The following FNBP1L variants were observed in gnomAD, a reference collection of about 807,000 sequenced individuals.
FNBP1L encodes the protein formin binding protein 1 like.
FNBP1L carries 36 observed loss-of-function variants against 91.2 expected under a neutral mutation model. The ratio of observed to expected loss-of-function variants is 0.39; its 90% confidence interval spans 0.30 to 0.52. The LOEUF (loss-of-function observed/expected upper bound fraction) is 0.52, where lower values mean the gene tolerates loss of function less well. Ranked by LOEUF, FNBP1L falls within the 20% of genes least tolerant of loss-of-function variation. The probability of loss-of-function intolerance (pLI) is 0.66; values close to 1 mark genes in which losing one functional copy is unlikely to be tolerated. For missense variants in FNBP1L, 571 were observed against 732.1 expected, an observed-to-expected ratio of 0.78 and a Z score of 2.54; for synonymous variants, 242 against 237.0, an observed-to-expected ratio of 1.02 and a Z score of -0.19.
intron 1 of FNBP1L, among the ~76,000 whole-genome samples, chr1:93,458,036 C>T (rs367867128): frequency 2.9e-4 from 44 of 152,108 alleles, no homozygotes; most frequent in African/African-American, 9.9e-4. Flanking sequence ...CATGATCTGC[C>T]GCCTCAGCCT....
chr1:93,457,000 A>G (rs1453472386), intron 1 of FNBP1L, among the ~76,000 whole-genome samples: 2 of 151,980 alleles, frequency 1.3e-5, no homozygotes, highest in Non-Finnish European at 2.9e-5. Context: ...GTGATCCTCC[A>G]TCCTCAGCCT....
intron 1 of FNBP1L, among the ~76,000 whole-genome samples, chr1:93,481,572 C>T (rs570304695): frequency 7.6e-4 from 115 of 152,276 alleles, no homozygotes; most frequent in African/African-American, 2.6e-3. Context: ...TAATTTACTC[C>T]TGTACTGAAA....
At chr1:93,515,820 C>T (rs193054266) in intron 2 of FNBP1L, among the ~76,000 whole-genome samples, 6 of 151,460 alleles carry the variant, frequency 4.0e-5, no homozygotes, top group East Asian at 1.9e-4. Context: ...TGCTAGATGA[C>T]GAGTTAGTGA....
rs1389816445 is a variant in FNBP1L at position 93,471,556 on chromosome 1, G to A, written c.24+23251G>A. On this transcript the variant is annotated intron_variant, in intron 1 of 16. Coordinates refer to ENST00000271234, the MANE Select transcript of FNBP1L (RefSeq NM_001164473.3). ...AAAATACAAAAATTAGCTGGGCGTG[G>A]TGGTGTGTGCCTGTAGTCCCCGCTA... Among the ~76,000 whole-genome samples, 2 of 152,130 alleles carry A rather than the reference G, an allele frequency of 1.3e-5. 1 individual carries two copies. Among genetic ancestry groups the A allele is most frequent in the African/African-American group, 4.8e-5 (2 of 41,434 alleles).
Position 93,540,065 on chromosome 1 carries a change from C to T in FNBP1L, c.1150-977C>T, listed in dbSNP as rs182778777. ...AGCTCCGTTGCATTTTCTGGGTCAC[C>T]GTGTGTGTGTATGTGTGTGGGTGTG... On this transcript the variant is annotated intron_variant, in intron 10 of 16. Coordinates refer to ENST00000271234, the MANE Select transcript of FNBP1L (RefSeq NM_001164473.3). Among the ~76,000 whole-genome samples the T allele has an allele frequency of 5.3e-5, 8 of 151,814 alleles. No homozygotes were observed. The East Asian group carries it at 1.4e-3, about 26-fold the overall frequency.
At chr1:93,461,331 G>A (rs1325511865) in intron 1 of FNBP1L, among the ~76,000 whole-genome samples, 3 of 152,146 alleles carry the variant, frequency 2.0e-5, no homozygotes, top group Admixed American at 6.5e-5. Context: ...TACCATTGCT[G>A]TTTATGGTGT....
intron 1 of FNBP1L, among the ~76,000 whole-genome samples, chr1:93,489,406 A>G (rs1035218923): frequency 6.6e-6 from 1 of 152,126 alleles, no homozygotes; most frequent in East Asian, 1.9e-4. Context: ...TGTCTGAGAA[A>G]GATATTCTTG....
In FNBP1L at chr1:93,511,822, C is replaced by T. The variant is rs532053833; in HGVS notation, c.141-10260C>T. 1.2e-3 allele frequency among the ~76,000 whole-genome samples: 176 copies of T among 151,544 alleles called. No homozygotes were observed. The Middle Eastern group carries it at 0.017, about 15-fold the overall frequency. On this transcript the variant is annotated intron_variant, in intron 2 of 16. Coordinates refer to ENST00000271234, the MANE Select transcript of FNBP1L (RefSeq NM_001164473.3). The stretch of plus-strand genomic sequence containing the variant: ...TCTACTGAAAATACAAAAAATTAGC[C>T]GGGCGTAGTGGCGGGCGCCTGTAGT...
chr1:93,516,179 C>A (rs538124295), intron 2 of FNBP1L, among the ~76,000 whole-genome samples: 1 of 149,892 alleles, frequency 6.7e-6, no homozygotes, highest in Non-Finnish European at 1.5e-5. Context: ...TAAAGGAGTA[C>A]TGTGTCAAGG....
Position 93,529,715 on chromosome 1 carries a change from T to C in FNBP1L, c.469T>C (p.Leu157=), listed in dbSNP as rs1048600747. 5 of 1,531,570 alleles carry C rather than the reference T, an allele frequency of 3.3e-6. No homozygotes were observed. The highest frequency in any genetic ancestry group is 2.8e-5 in the African/African-American group (2 of 71,506). The allele number at this position is 1,531,570 out of a possible 1,614,324, so 94.9% of individuals were successfully genotyped here. A position where few individuals can be genotyped will look rare whatever the true frequency, so the allele number is the denominator to read the frequency against. ...AEKAQQSYER[L]DNDTNATKAD... is the part of the protein sequence containing the mutation. ...AAAGGCACAACAGAGTTATGAAAGA[T>C]TGGATAATGATACTAATGCAACCAA... The change falls in exon 6 of 17, where the codon TTG becomes CTG. Residue 157 remains leucine (L), a synonymous_variant. Coordinates refer to ENST00000271234, the MANE Select transcript of FNBP1L (RefSeq NM_001164473.3).
In FNBP1L at chr1:93,552,474, G is replaced by C. The variant is rs41292649; in HGVS notation, c.*58G>C. 0.02 allele frequency: 31,973 copies of C among 1,602,494 alleles called. 359 individuals are homozygous for C. Among genetic ancestry groups the C allele is most frequent in the Non-Finnish European group, 0.023 (27,383 of 1,172,032 alleles). The stretch of plus-strand genomic sequence containing the variant: ...AAGGAGGTTACATGCAGCTGCTTTT[G>C]GGGGAGGGTATTAGAGTTGTCAGGC... On this transcript the variant is annotated 3_prime_UTR_variant, in exon 17 of 17. Transcript: ENST00000271234.
intron 1 of FNBP1L, among the ~76,000 whole-genome samples, chr1:93,460,919 CA>C (rs982789300): frequency 6.6e-6 from 1 of 152,106 alleles, no homozygotes; most frequent in Non-Finnish European, 1.5e-5. Flanking sequence ...AGTTTTATAT[CA>C]TAAATATATA....
intron 1 of FNBP1L, among the ~76,000 whole-genome samples, chr1:93,460,202 A>C (rs1668815557): frequency 6.6e-6 from 1 of 152,178 alleles, no homozygotes; most frequent in South Asian, 2.1e-4. Context: ...CTCTGCCTTC[A>C]TGGATGGGAT....
chr1:93,528,475 C>T (rs1671562980), intron 5 of FNBP1L, among the ~76,000 whole-genome samples: 1 of 152,118 alleles, frequency 6.6e-6, no homozygotes, highest in Non-Finnish European at 1.5e-5. Context: ...CAAATTTTGT[C>T]AATTAAAAAT....
intron 1 of FNBP1L, among the ~76,000 whole-genome samples, chr1:93,451,737 A>G (rs1353272550): frequency 6.6e-6 from 1 of 151,886 alleles, no homozygotes; most frequent in Non-Finnish European, 1.5e-5. Flanking sequence ...CTGCAACCTC[A>G]GCCTCCCTGG....
At chr1:93,541,169 G>A (rs1672031045) in intron 11 of FNBP1L, 113 bp downstream of exon 11, 4 of 1,042,294 alleles carry the variant, frequency 3.8e-6, no homozygotes, top group South Asian at 1.4e-5. Flanking sequence ...CACCTTGTGT[G>A]TTTTTTCTTT....
chr1:93,485,273 C>T (rs1270803335), intron 1 of FNBP1L, among the ~76,000 whole-genome samples: 1 of 152,046 alleles, frequency 6.6e-6, no homozygotes, highest in Non-Finnish European at 1.5e-5. Flanking sequence ...ATAGAGCTTA[C>T]TTCACACAAC....
chr1:93,497,233 A>G (rs1202842562), intron 1 of FNBP1L, among the ~76,000 whole-genome samples: 2 of 152,218 alleles, frequency 1.3e-5, no homozygotes, highest in Admixed American at 6.5e-5. Context: ...AAGTGCTGGG[A>G]TTACAGGCGT....
At chr1:93,516,095 T>G (rs555726606) in intron 2 of FNBP1L, among the ~76,000 whole-genome samples, 45 of 152,330 alleles carry the variant, frequency 3.0e-4, no homozygotes, top group Middle Eastern at 6.8e-3. Flanking sequence ...TAGTTTTAAT[T>G]GTACAATATT....
Sources: gnomAD v4.1 joint callset for allele counts (sites outside exome capture counted in the v4.1 genomes callset) on GRCh38, gnomAD v4.1.1 for gene constraint, MANE v1.5 for transcripts, NCBI Gene and HGNC (gene_info 2026-07-23, HGNC 2026-07-21) for gene names.